NKAIN3: variants seen among roughly 807,000 people sequenced by gnomAD.
The protein encoded by NKAIN3 is sodium/potassium transporting ATPase interacting 3.
A neutral mutation model predicts 30.2 loss-of-function variants in NKAIN3; 25 were observed. The observed-to-expected ratio is 0.83, with a 90% CI of 0.60 to 1.16. NKAIN3 has a LOEUF of 1.16. Among genes scored for constraint, NKAIN3 ranks in the 50% most tolerant of loss-of-function variants. The pLI is 0.00. For synonymous variants in NKAIN3, 91 were observed against 89.6 expected, an observed-to-expected ratio of 1.02 and a Z score of -0.09; for missense variants, 225 against 254.1, an observed-to-expected ratio of 0.89 and a Z score of 0.78.
chr8:62,547,899 C>G (rs1395657277), intron 1 of NKAIN3, among the ~76,000 whole-genome samples: 1 of 152,220 alleles, frequency 6.6e-6, no homozygotes, highest in Non-Finnish European at 1.5e-5. Context: ...AAAGCAGAGT[C>G]AGATGTTGTA....
At chr8:62,709,694 G>A (rs756601355) in intron 3 of NKAIN3, among the ~76,000 whole-genome samples, 1 of 151,840 alleles carries the variant, frequency 6.6e-6, no homozygotes, top group African/African-American at 2.4e-5. Context: ...TTTATCTTTT[G>A]TATTTATTTT....
intron 3 of NKAIN3, among the ~76,000 whole-genome samples, chr8:62,612,121 A>G (rs1811312440): frequency 6.6e-6 from 1 of 151,878 alleles, no homozygotes; most frequent in African/African-American, 2.4e-5. Flanking sequence ...TATTTTGCCT[A>G]TTTTTTGATC....
intron 3 of NKAIN3, among the ~76,000 whole-genome samples, chr8:62,700,098 C>A (rs1814285058): frequency 6.6e-6 from 1 of 152,182 alleles, no homozygotes; most frequent in East Asian, 1.9e-4. Flanking sequence ...GTACTCCAGT[C>A]TGGGCAATAG....
intron 4 of NKAIN3, among the ~76,000 whole-genome samples, chr8:62,811,711 A>T (rs973117715): frequency 2.6e-5 from 4 of 151,830 alleles, no homozygotes; most frequent in African/African-American, 7.2e-5. Flanking sequence ...CCAATTTTAT[A>T]TTTAGATTTT....
intron 3 of NKAIN3, among the ~76,000 whole-genome samples, chr8:62,644,112 G>T (rs369343783): frequency 6.6e-6 from 1 of 152,070 alleles, no homozygotes; most frequent in African/African-American, 2.4e-5. Context: ...ACTTCAGGCT[G>T]CTGGGGTCCC....
intron 4 of NKAIN3, among the ~76,000 whole-genome samples, chr8:62,846,709 T>C (rs1344670812): frequency 6.6e-6 from 1 of 152,170 alleles, no homozygotes; most frequent in Admixed American, 6.6e-5. Flanking sequence ...ATTTACCACA[T>C]CTTCCTTATT....
chr8:62,599,747 C>A (rs538188958), intron 3 of NKAIN3, among the ~76,000 whole-genome samples: 9 of 152,132 alleles, frequency 5.9e-5, no homozygotes, highest in African/African-American at 1.9e-4. Flanking sequence ...TTAATTAAAT[C>A]ATTTCCTTCA....
chr8:62,648,780 G>A (rs1423729765), intron 3 of NKAIN3, among the ~76,000 whole-genome samples: 1 of 152,182 alleles, frequency 6.6e-6, no homozygotes, highest in Admixed American at 6.5e-5. Flanking sequence ...AGAAACCAGA[G>A]CCTCCATGGG....
At chr8:62,400,706 T>TG (rs955959658) in intron 1 of NKAIN3, among the ~76,000 whole-genome samples, 14 of 151,790 alleles carry the variant, frequency 9.2e-5, no homozygotes, top group Non-Finnish European at 1.5e-4. Context: ...TAACAGTTTT[T>TG]TTTTTTCTTT....
intron 1 of NKAIN3, chr8:62,482,524 G>C (rs556509986): frequency 6.6e-6 from 1 of 152,400 alleles, no homozygotes; most frequent in African/African-American, 2.4e-5. Context: ...TGGCACACTG[G>C]GATGGAGCCT....
At chr8:62,259,799 T>C (rs1334393020) in intron 1 of NKAIN3, among the ~76,000 whole-genome samples, 1 of 152,146 alleles carries the variant, frequency 6.6e-6, no homozygotes, top group Admixed American at 6.5e-5. Context: ...AGGTTGCTGT[T>C]CTGTTTGACA....
chr8:62,847,871 G>C (rs1199780835), intron 4 of NKAIN3, among the ~76,000 whole-genome samples: 2 of 152,106 alleles, frequency 1.3e-5, no homozygotes, highest in Non-Finnish European at 2.9e-5. Flanking sequence ...TGTAAGGAAA[G>C]GATCCAGTTT....
In NKAIN3 at chr8:62,807,556, GTT is replaced by G. The variant is rs11482643; in HGVS notation, c.471+60441_471+60442del. ...ATCTTTCAATAGTTATTCTTTTCTG[GTT>G]TTTTTTTTTTTTTGAGACAATGTCT... On this transcript the variant is annotated intron_variant, in intron 4 of 6. Coordinates refer to ENST00000623646, the MANE Select transcript of NKAIN3 (RefSeq NM_001304533.3). Among the ~76,000 whole-genome samples, 235 of 134,282 alleles carry G rather than the reference GTT, an allele frequency of 1.8e-3. 1 individual carries two copies. Among genetic ancestry groups the G allele is most frequent in the African/African-American group, 6.2e-3 (225 of 36,538 alleles). The allele number at this position is 134,282 out of a possible 152,430, so 88.1% of individuals were successfully genotyped here.
At chr8:62,997,877 A>G (rs183900761) in intron 5 of NKAIN3, among the ~76,000 whole-genome samples, 71 of 152,240 alleles carry the variant, frequency 4.7e-4, no homozygotes, top group African/African-American at 1.6e-3. Flanking sequence ...TAAAAACTTC[A>G]ACTAAAGACT....
At chr8:62,734,952 G>T (rs1182813225) in intron 3 of NKAIN3, among the ~76,000 whole-genome samples, 1 of 152,172 alleles carries the variant, frequency 6.6e-6, no homozygotes, top group African/African-American at 2.4e-5. Flanking sequence ...GGCTTGTGCG[G>T]TTTCTGCTTA....
intron 5 of NKAIN3, among the ~76,000 whole-genome samples, chr8:62,991,457 T>G (rs1213705772): frequency 1.3e-5 from 2 of 152,256 alleles, no homozygotes. Flanking sequence ...TCCCAGCTTG[T>G]GCCATCTTAA....
At chr8:62,963,626 G>A (rs1823631006) in intron 6 of NKAIN3, among the ~76,000 whole-genome samples, 1 of 152,152 alleles carries the variant, frequency 6.6e-6, no homozygotes, top group East Asian at 1.9e-4. Flanking sequence ...ATTGCATAAA[G>A]CTATAAAATT....
intron 1 of NKAIN3, among the ~76,000 whole-genome samples, chr8:62,475,483 C>T (rs899766675): frequency 2.6e-5 from 4 of 152,110 alleles, no homozygotes; most frequent in African/African-American, 9.7e-5. Context: ...GTTTACATGC[C>T]ATATAGTTCA....
chr8:62,515,276 G>T (rs570806887), intron 1 of NKAIN3, among the ~76,000 whole-genome samples: 8 of 152,092 alleles, frequency 5.3e-5, no homozygotes, highest in African/African-American at 1.9e-4. Context: ...TTTTTAGTTA[G>T]CAAATAAAAA....
Sources: allele counts gnomAD v4.1 joint callset (sites outside exome capture counted in the v4.1 genomes callset), GRCh38; gene constraint gnomAD v4.1.1; transcripts MANE v1.5; gene names NCBI Gene and HGNC (gene_info 2026-07-23, HGNC 2026-07-21).